The following CRLF3 variants were observed in gnomAD, a reference collection of about 807,000 sequenced individuals.
CRLF3 encodes cytokine receptor-like factor 3.
In CRLF3, 33 loss-of-function variants were observed where a neutral mutation model predicts 55.0. The observed-to-expected ratio is 0.60, with a 90% CI of 0.46 to 0.80. CRLF3 has a LOEUF of 0.80. Among genes scored for constraint, CRLF3 ranks in the 30% least tolerant of loss-of-function variants. The probability of loss-of-function intolerance (pLI) is 0.00; values close to 1 mark genes in which losing one functional copy is unlikely to be tolerated. For synonymous variants in CRLF3, 238 were observed against 196.8 expected (o/e 1.21, Z -1.75); for missense variants, 494 against 538.4 (o/e 0.92, Z 0.82).
intron 1 of CRLF3, among the ~76,000 whole-genome samples, chr17:30,824,244 A>C (rs1597937510): frequency 1.4e-5 from 2 of 140,410 alleles, no homozygotes; most frequent in South Asian, 2.3e-4. Context: ...CTGGTCCCTC[A>C]CTCTCCCAAA....
chr17:30,788,334 A>AAAAAG (rs576684013), intron 6 of CRLF3, among the ~76,000 whole-genome samples: 193 of 148,734 alleles, frequency 1.3e-3, no homozygotes, highest in African/African-American at 3.8e-3. Flanking sequence ...TCAAAAAAAA[A>AAAAAG]AAAAGAAAAG....
At chr17:30,802,963 G>A (rs915772296) in intron 2 of CRLF3, among the ~76,000 whole-genome samples, 8 of 151,560 alleles carry the variant, frequency 5.3e-5, no homozygotes, top group African/African-American at 1.9e-4. Flanking sequence ...CCAGGAATTC[G>A]AGACCAGCCT....
chr17:30,807,517 CTTTTTTTTTTTTTTTTT>C (rs778842582), intron 1 of CRLF3, among the ~76,000 whole-genome samples: 9 of 62,970 alleles, frequency 1.4e-4, no homozygotes, highest in South Asian at 5.2e-4. Flanking sequence ...ATTTTCTTTC[CTTTTTTTTTTTTTTTTT>C]TTTTTTTTTT....
At chr17:30,803,659 C>A (rs1972040373) in intron 2 of CRLF3, 1 of 476,616 alleles carries the variant, frequency 2.1e-6, no homozygotes, top group Non-Finnish European at 3.8e-6. Flanking sequence ...GAATAACTCT[C>A]ATGAGATCTA....
intron 1 of CRLF3, among the ~76,000 whole-genome samples, chr17:30,810,803 G>T (rs1904590341): frequency 6.6e-6 from 1 of 151,998 alleles, no homozygotes; most frequent in African/African-American, 2.4e-5. Flanking sequence ...TTACTAAAAA[G>T]ACATATGTAG....
chr17:30,785,971 C>T lies in CRLF3; in HGVS notation c.1020G>A (p.Gln340=). The change falls in exon 7 of 8, where the codon CAG becomes CAA. Residue 340 remains glutamine, a synonymous_variant. Coordinates refer to ENST00000324238, the MANE Select transcript of CRLF3 (RefSeq NM_015986.4). ...CCCGCTGCAGAGAGTCATATCCATC[C>T]TGTTTTTCTGCACACACTCCTATGC... ...RDSIGVCAEK[Q]DGYDSLQRDQ... 6.2e-7 allele frequency: 1 copy of T among 1,613,374 alleles called. No individual in the cohort carries two copies. The highest frequency in any genetic ancestry group is 8.5e-7 in the Non-Finnish European group (1 of 1,179,410).
At chr17:30,799,048 C>G (rs565412679) in intron 2 of CRLF3, among the ~76,000 whole-genome samples, 1 of 152,030 alleles carries the variant, frequency 6.6e-6, no homozygotes, top group African/African-American at 2.4e-5. Context: ...CCGAGGTGGG[C>G]AAATCACGAG....
chr17:30,784,758 ATTTT>A (rs72335377), intron 7 of CRLF3: 57 of 183,184 alleles, frequency 3.1e-4, no homozygotes, highest in South Asian at 1.1e-3. Context: ...CACCAACACA[ATTTT>A]TTTTTTTTTT....
At chr17:30,803,265 C>T (rs1972034379) in intron 2 of CRLF3, among the ~76,000 whole-genome samples, 2 of 152,162 alleles carry the variant, frequency 1.3e-5, no homozygotes, top group African/African-American at 4.8e-5. Context: ...GTGATTATTA[C>T]ACACCGCATG....
chr17:30,812,291 A>G (rs1219179836), intron 1 of CRLF3, among the ~76,000 whole-genome samples: 1 of 152,168 alleles, frequency 6.6e-6, no homozygotes, highest in African/African-American at 2.4e-5. Context: ...GCAACAATAC[A>G]GCAGCAGCTA....
At position 30,782,735 on chromosome 17, in the gene CRLF3, C is replaced by A. The variant is rs1366032341; in HGVS notation, c.*1452G>T. On this transcript the variant is annotated 3_prime_UTR_variant, in exon 8 of 8. Transcript: ENST00000324238. ...TTCCTATGGCTGGACAAGGTATCTA[C>A]ATTCTAGAACATCTTCTTAATCCCT... 2.0e-5 allele frequency: 3 copies of A among 152,122 alleles called. No individual in the cohort carries two copies. In the South Asian group the frequency reaches 6.2e-4, roughly 31 times the overall value. The allele number at this position is 152,122 out of a possible 1,614,324, so 9.4% of individuals were successfully genotyped here. A position where few individuals can be genotyped will look rare whatever the true frequency, so the allele number is the denominator to read the frequency against.
chr17:30,820,583 G>A (rs973150965), intron 1 of CRLF3, among the ~76,000 whole-genome samples: 15 of 152,070 alleles, frequency 9.9e-5, no homozygotes, highest in African/African-American at 3.4e-4. Flanking sequence ...CCTGAGGTGA[G>A]GACTTCGAGG....
At chr17:30,809,523 A>C (rs1904543173) in intron 1 of CRLF3, 1 of 152,198 alleles carries the variant, frequency 6.6e-6, no homozygotes, top group African/African-American at 2.4e-5. Flanking sequence ...ATAAATCTTC[A>C]CAATGCACTT....
intron 1 of CRLF3, among the ~76,000 whole-genome samples, chr17:30,820,246 C>T (rs1452431500): frequency 2.0e-5 from 3 of 152,204 alleles, no homozygotes; most frequent in Non-Finnish European, 4.4e-5. Flanking sequence ...AACTTAACCA[C>T]AAGAGGAGAA....
chr17:30,794,695 G>C lies in CRLF3; in HGVS notation c.604-1023C>G, dbSNP rs138242263. 3.2e-3 allele frequency among the ~76,000 whole-genome samples: 489 copies of C among 152,276 alleles called. 2 individuals are homozygous for C. The highest frequency in any genetic ancestry group is 8.3e-3 in the South Asian group (40 of 4,828). On this transcript the variant is annotated intron_variant, in intron 4 of 7. Coordinates refer to ENST00000324238, the MANE Select transcript of CRLF3 (RefSeq NM_015986.4). The stretch of plus-strand genomic sequence containing the variant: ...ATGCCTGAAGTCCCAATTACTTGGG[G>C]GCTGAGGCGGGAGGATCACTTGAGC...
chr17:30,784,131 C>A lies in CRLF3; in HGVS notation c.*56G>T. 6.6e-7 allele frequency: 1 copy of A among 1,517,862 alleles called. No homozygotes were observed. The highest frequency in any genetic ancestry group is 8.9e-7 in the Non-Finnish European group (1 of 1,121,118). 94.0% of individuals were successfully genotyped at this position (1,517,862 alleles called of 1,614,324 possible). On this transcript the variant is annotated 3_prime_UTR_variant, in exon 8 of 8. Coordinates refer to ENST00000324238, the MANE Select transcript of CRLF3 (RefSeq NM_015986.4). Reference sequence around the variant, plus strand: ...TTTTTTTAAAGCAATTACAACTACGCTGGGCTGAGGACAGCTACGTTAGAC... The same window carrying A: ...TTTTTTTAAAGCAATTACAACTACGATGGGCTGAGGACAGCTACGTTAGAC...
Position 30,824,663 on chromosome 17 carries a change from G to C in CRLF3, c.-12C>G, listed in dbSNP as rs1451741472. On this transcript the variant is annotated 5_prime_UTR_variant, in exon 1 of 8. Transcript: ENST00000324238. ...ATCGCCCCCCTCATCTGGCCGCGCG[G>C]CCGGCGAAACCTAGCGCGGGTTCCC... 1.3e-6 allele frequency: 2 copies of C among 1,585,586 alleles called. No individual in the cohort carries two copies. The highest frequency in any genetic ancestry group is 1.7e-5 in the Admixed American group (1 of 58,878).
chr17:30,801,384 C>A (rs1190964366), intron 2 of CRLF3: 4 of 152,312 alleles, frequency 2.6e-5, no homozygotes, highest in African/African-American at 9.7e-5. Context: ...GCCTCAGCCT[C>A]CCAAAGTGCT....
At chr17:30,823,995 A>G (rs527929037) in intron 1 of CRLF3, among the ~76,000 whole-genome samples, 5 of 152,198 alleles carry the variant, frequency 3.3e-5, no homozygotes, top group African/African-American at 1.2e-4. Flanking sequence ...TCAGGCATTA[A>G]CCGCATTTAT....
Sources: allele counts gnomAD v4.1 joint callset (sites outside exome capture counted in the v4.1 genomes callset), GRCh38; gene constraint gnomAD v4.1.1; transcripts MANE v1.5; gene names NCBI Gene and HGNC (gene_info 2026-07-23, HGNC 2026-07-21).